The following PKNOX1 variants were observed in gnomAD, a reference collection of about 807,000 sequenced individuals.
PKNOX1 encodes homeobox protein PKNOX1.
A neutral mutation model predicts 51.9 loss-of-function variants in PKNOX1; 15 were observed. That is an observed-to-expected ratio of 0.29 (90% CI 0.19 to 0.45). PKNOX1 has a LOEUF of 0.45. Among genes scored for constraint, PKNOX1 ranks in the 20% least tolerant of loss-of-function variants. The pLI is 1.00. For missense variants in PKNOX1, 462 were observed against 547.5 expected (o/e 0.84, Z 1.56); for synonymous variants, 219 against 211.1 (o/e 1.04, Z -0.32).
chr21:43,003,751 G>A (rs1224120037), intron 1 of PKNOX1: 1 of 152,426 alleles, frequency 6.6e-6, no homozygotes, highest in Non-Finnish European at 1.5e-5. Context: ...GCCTGGCATG[G>A]GCAGGCATTG....
chr21:43,001,124 G>A (rs1377215984), intron 1 of PKNOX1, among the ~76,000 whole-genome samples: 2 of 152,344 alleles, frequency 1.3e-5, no homozygotes, highest in East Asian at 3.9e-4. Context: ...TCAGTGACAC[G>A]TTTGCAGATG....
At chr21:43,022,202 C>T (rs745506015) in intron 8 of PKNOX1, among the ~76,000 whole-genome samples, 15 of 152,190 alleles carry the variant, frequency 9.9e-5, no homozygotes, top group Non-Finnish European at 1.6e-4. Flanking sequence ...TGGCCATATC[C>T]GCCTGTGTCC....
At chr21:42,987,382 C>CAAAAAAAAA (rs1181890321) in intron 1 of PKNOX1, among the ~76,000 whole-genome samples, 4 of 47,892 alleles carry the variant, frequency 8.4e-5, no homozygotes, top group Admixed American at 3.7e-4. Flanking sequence ...AACTCCCTCT[C>CAAAAAAAAA]AAAAAAAAAA....
At chr21:43,016,673 G>GC (rs1413088239) in intron 5 of PKNOX1, among the ~76,000 whole-genome samples, 1 of 152,200 alleles carries the variant, frequency 6.6e-6, no homozygotes. Context: ...TCTTTTGGAA[G>GC]CCACAGTGCA....
Position 43,021,159 on chromosome 21 carries a change from G to T in PKNOX1, c.721-144G>T. On this transcript the variant is annotated intron_variant, in intron 7 of 10. Transcript: ENST00000291547. This position sits in a 1 kb window ranked among gnomAD's most constrained non-coding sequence, Gnocchi z 4.6. The stretch of plus-strand genomic sequence containing the variant: ...GAGGGAGCCGTGTCCTGAAACATCA[G>T]TCCACACAGGGTTCCCGTGCATGGG... The T allele has an allele frequency of 3.4e-6, 2 of 591,680 alleles. No individual in the cohort carries two copies. The highest frequency in any genetic ancestry group is 6.4e-5 in the Admixed American group (2 of 31,316). 36.7% of individuals were successfully genotyped at this position (591,680 alleles called of 1,614,324 possible). A position where few individuals can be genotyped will look rare whatever the true frequency, so the allele number is the denominator to read the frequency against.
intron 1 of PKNOX1, among the ~76,000 whole-genome samples, chr21:42,984,647 C>G (rs549746350): frequency 6.6e-6 from 1 of 152,224 alleles, no homozygotes; most frequent in Admixed American, 6.5e-5. Context: ...CTTGGCCTCC[C>G]AAAGTGCTGG....
At chr21:43,029,354 C>T (rs955515966) in intron 10 of PKNOX1, among the ~76,000 whole-genome samples, 3 of 151,126 alleles carry the variant, frequency 2.0e-5, no homozygotes, top group Non-Finnish European at 2.9e-5. Flanking sequence ...TCTTTCTGTT[C>T]GCATGAGGTC....
intron 3 of PKNOX1, among the ~76,000 whole-genome samples, chr21:43,007,937 G>A (rs1979069513): frequency 6.6e-6 from 1 of 151,952 alleles, no homozygotes; most frequent in Admixed American, 6.6e-5. Context: ...GGTGGCACAT[G>A]TCTGTAATCC....
rs924133545 is a variant in PKNOX1, at chr21:43,021,028, G to A, written c.721-275G>A. 2.9e-5 allele frequency: 6 copies of A among 208,112 alleles called. No individual in the cohort carries two copies. The highest frequency in any genetic ancestry group is 1.2e-4 in the Admixed American group (2 of 17,280). The allele number at this position is 208,112 out of a possible 1,614,324, so 12.9% of individuals were successfully genotyped here. A position where few individuals can be genotyped will look rare whatever the true frequency, so the allele number is the denominator to read the frequency against. ...GGAGGCTGAGCTGGAAGAATCACTT[G>A]AGCCCAGGAGTTCAAGGCTGCAGTG... On this transcript the variant is annotated intron_variant, in intron 7 of 10. Transcript: ENST00000291547. The surrounding 1 kb of genome is among the most constrained non-coding windows in gnomAD (Gnocchi z 4.6).
intron 1 of PKNOX1, among the ~76,000 whole-genome samples, chr21:42,990,987 A>G (rs2059084444): frequency 1.3e-5 from 2 of 152,108 alleles, no homozygotes. Context: ...AGGTTTCGTG[A>G]CCTGCCTCAG....
intron 1 of PKNOX1, among the ~76,000 whole-genome samples, chr21:42,982,003 C>T (rs1435390387): frequency 1.3e-5 from 2 of 152,230 alleles, no homozygotes; most frequent in Non-Finnish European, 2.9e-5. Context: ...TGGTTGCCCT[C>T]CACTGTCTGT....
chr21:43,023,743 T>C (rs563302936), intron 8 of PKNOX1, among the ~76,000 whole-genome samples: 1 of 151,848 alleles, frequency 6.6e-6, no homozygotes, highest in African/African-American at 2.4e-5. Flanking sequence ...GCCTCCCGAA[T>C]AGCTGGGACT....
intron 1 of PKNOX1, among the ~76,000 whole-genome samples, chr21:42,983,806 C>T (rs2059038279): frequency 6.6e-6 from 1 of 152,120 alleles, no homozygotes; most frequent in Admixed American, 6.6e-5. Context: ...TATCAGTTTA[C>T]ATTCCTACCA....
chr21:43,009,127 C>T (rs1266558975), intron 3 of PKNOX1, among the ~76,000 whole-genome samples: 1 of 152,164 alleles, frequency 6.6e-6, no homozygotes, highest in Non-Finnish European at 1.5e-5. Flanking sequence ...CAAGCCTGGC[C>T]AAAATGGCGA....
At position 43,010,083 on chromosome 21, in the gene PKNOX1, G is replaced by A. The variant is rs1364694622; in HGVS notation, c.210G>A (p.Leu70=). 1 of 1,569,646 alleles carries A rather than the reference G, an allele frequency of 6.4e-7. No homozygotes were observed. Among genetic ancestry groups the A allele is most frequent in the Admixed American group, 2.0e-5 (1 of 50,656 alleles). Residue 70 remains leucine (L), a synonymous_variant, in exon 4 of 11, where the codon TTG becomes TTA. Coordinates refer to ENST00000291547, the MANE Select transcript of PKNOX1 (RefSeq NM_004571.5). The part of the protein sequence containing the change: ...RHPLFPLLAL[L]FEKCEQSTQG... ...CACTATTTCCATTATTAGCTTTGTT[G>A]TTTGAAAAATGTGAACAATCTACAC...
intron 1 of PKNOX1, among the ~76,000 whole-genome samples, chr21:42,985,529 T>G (rs1056825119): frequency 1.8e-4 from 27 of 151,092 alleles, no homozygotes; most frequent in African/African-American, 6.3e-4. Context: ...GAGACGGGGT[T>G]TTGCCATGTT....
intron 1 of PKNOX1, among the ~76,000 whole-genome samples, chr21:42,979,198 A>G (rs1263651232): frequency 2.0e-5 from 3 of 152,234 alleles, no homozygotes; most frequent in South Asian, 4.1e-4. Context: ...GATTACCCAT[A>G]TGAATCACTG....
intron 1 of PKNOX1, among the ~76,000 whole-genome samples, chr21:42,978,541 T>C (rs2059010291): frequency 6.7e-6 from 1 of 150,086 alleles, no homozygotes; most frequent in Admixed American, 6.7e-5. Flanking sequence ...TAGAGTGCAG[T>C]GGCGCGATCT....
rs1259109814 is a variant in PKNOX1, at chr21:43,016,923, A to G, written c.538A>G (p.Ile180Val). ...PVQSQQIQSAITGTISPQGIV... is the reference protein window; with the variant it reads ...PVQSQQIQSAVTGTISPQGIV... ...TGACTTGCAGCAGATTCAAAGTGCC[A>G]TCACAGGCACCATCAGCCCTCAGGG... The change falls in exon 6 of 11, where the codon ATC becomes GTC. Residue 180 changes from isoleucine to valine, a missense_variant. By Grantham distance (29) the Ile-to-Val change is conservative. Transcript: ENST00000291547. 6.8e-6 allele frequency: 11 copies of G among 1,606,882 alleles called. No individual in the cohort carries two copies. Among genetic ancestry groups the G allele is most frequent in the Non-Finnish European group, 9.4e-6 (11 of 1,174,608 alleles).
Sources: gnomAD v4.1 joint callset for allele counts (sites outside exome capture counted in the v4.1 genomes callset) on GRCh38, gnomAD v4.1.1 for gene constraint, Gnocchi (gnomAD v3.1) non-coding constraint, MANE v1.5 for transcripts, NCBI Gene and HGNC (gene_info 2026-07-23, HGNC 2026-07-21) for gene names.